ANKS1B: variants seen among roughly 807,000 people sequenced by gnomAD.
ANKS1B encodes ankyrin repeat and sterile alpha motif domain containing 1B, also known as ankyrin repeat and sterile alpha motif domain-containing protein 1B.
Under a neutral mutation model 148.3 loss-of-function variants are expected in ANKS1B, and 36 were observed. The ratio of observed to expected loss-of-function variants is 0.24; its 90% CI spans 0.19 to 0.32. The LOEUF (loss-of-function observed/expected upper bound fraction) is 0.32. Ranked by LOEUF, ANKS1B falls within the 10% of genes least tolerant of loss-of-function variation. The pLI is 1.00. For missense variants in ANKS1B, 1,157 were observed against 1,542.6 expected (o/e 0.75, Z 4.19); for synonymous variants, 542 against 560.8 (o/e 0.97, Z 0.47).
At chr12:99,575,439 A>G (rs1567387394) in intron 9 of ANKS1B, among the ~76,000 whole-genome samples, 1 of 152,086 alleles carries the variant, frequency 6.6e-6, no homozygotes, top group East Asian at 1.9e-4. Context: ...CTGTTTTCAC[A>G]CTGCTAATAA....
intron 8 of ANKS1B, among the ~76,000 whole-genome samples, chr12:99,738,169 T>C: frequency 6.6e-6 from 1 of 152,196 alleles, no homozygotes; most frequent in East Asian, 1.9e-4. Flanking sequence ...TAGAAAGTAC[T>C]GAAGCAGGAA....
chr12:99,619,736 C>T (rs575457114), intron 9 of ANKS1B, among the ~76,000 whole-genome samples: 2 of 152,252 alleles, frequency 1.3e-5, no homozygotes, highest in African/African-American at 4.8e-5. Flanking sequence ...GGAGTTTAGG[C>T]TGCCCTCATC....
At chr12:98,863,863 G>A (rs1240299699) in intron 17 of ANKS1B, among the ~76,000 whole-genome samples, 1 of 152,228 alleles carries the variant, frequency 6.6e-6, no homozygotes, top group African/African-American at 2.4e-5. Flanking sequence ...TGACCGTGAT[G>A]TCGATGATAT....
chr12:99,896,847 C>T (rs2093406129), intron 1 of ANKS1B, among the ~76,000 whole-genome samples: 1 of 151,212 alleles, frequency 6.6e-6, no homozygotes, highest in Non-Finnish European at 1.5e-5. Flanking sequence ...TATTAATAGT[C>T]CCTAGGTCAC....
chr12:99,877,208 T>C lies in ANKS1B; in HGVS notation c.135-51819A>G, dbSNP rs1018253224. On this transcript the variant is annotated intron_variant, in intron 1 of 26. Coordinates refer to ENST00000683438, the MANE Select transcript of ANKS1B (RefSeq NM_001352186.2). ...TGATTAAGGTATTATACTCTGACTA[T>C]ATTTCCTCTCTGTGATACCTTTTCC... Among the ~76,000 whole-genome samples the C allele has an allele frequency of 5.9e-5, 9 of 152,170 alleles. 1 individual carries two copies. Among genetic ancestry groups the C allele is most frequent in the Admixed American group, 5.9e-4 (9 of 15,270 alleles).
chr12:98,959,609 C>A (rs903554696), intron 17 of ANKS1B, among the ~76,000 whole-genome samples: 4 of 152,192 alleles, frequency 2.6e-5, no homozygotes, highest in Non-Finnish European at 5.9e-5. Context: ...AAAAAAGCAC[C>A]TTCATAAGAA....
chr12:98,884,130 A>G (rs201418), intron 17 of ANKS1B, among the ~76,000 whole-genome samples: 27,524 of 152,212 alleles, frequency 0.18, 2,698 homozygotes, highest in Non-Finnish European at 0.21. Context: ...AATATATATC[A>G]TTTACAGGCT....
intron 17 of ANKS1B, among the ~76,000 whole-genome samples, chr12:98,991,901 G>T (rs2099926781): frequency 6.6e-6 from 1 of 152,142 alleles, no homozygotes; most frequent in Non-Finnish European, 1.5e-5. Flanking sequence ...GAGATCTATA[G>T]ATAAGAACAT....
chr12:98,769,871 G>A (rs1294544156), intron 25 of ANKS1B, among the ~76,000 whole-genome samples: 1 of 152,140 alleles, frequency 6.6e-6, no homozygotes, highest in South Asian at 2.1e-4. Context: ...ATGCAAACAC[G>A]GTCTAGAGGC....
At chr12:99,597,213 A>G (rs541335023) in intron 9 of ANKS1B, among the ~76,000 whole-genome samples, 70 of 151,568 alleles carry the variant, frequency 4.6e-4, no homozygotes, top group Non-Finnish European at 8.7e-4. Context: ...AAGGTGAATA[A>G]TACATAATAC....
intron 10 of ANKS1B, among the ~76,000 whole-genome samples, chr12:99,480,782 T>C (rs1595630375): frequency 1.3e-5 from 2 of 151,868 alleles, no homozygotes; most frequent in East Asian, 3.9e-4. Context: ...TTTGGCAAAA[T>C]ATCTTCATTA....
At chr12:99,764,564 A>G (rs1401475173) in intron 8 of ANKS1B, among the ~76,000 whole-genome samples, 2 of 152,134 alleles carry the variant, frequency 1.3e-5, no homozygotes, top group African/African-American at 4.8e-5. Context: ...CTGGGATGAC[A>G]GGTGCACACC....
intron 17 of ANKS1B, among the ~76,000 whole-genome samples, chr12:98,848,350 A>G (rs1159665128): frequency 6.6e-6 from 1 of 152,220 alleles, no homozygotes; most frequent in African/African-American, 2.4e-5. Context: ...CCCTAGAATG[A>G]TGATAGTGTG....
intron 11 of ANKS1B, among the ~76,000 whole-genome samples, chr12:99,421,216 C>T (rs1339919505): frequency 6.6e-6 from 1 of 152,096 alleles, no homozygotes; most frequent in Non-Finnish European, 1.5e-5. Flanking sequence ...ATAAGGCAGC[C>T]CTCCTAATAA....
At chr12:99,958,868 C>A (rs185505923) in intron 1 of ANKS1B, among the ~76,000 whole-genome samples, 1 of 152,186 alleles carries the variant, frequency 6.6e-6, no homozygotes, top group African/African-American at 2.4e-5. Context: ...ACAAATGATG[C>A]AAGTAACAGA....
At chr12:98,743,306 AT>A (rs1200255802), downstream of ANKS1B, among the ~76,000 whole-genome samples, 3 of 152,340 alleles carry the variant, frequency 2.0e-5, no homozygotes, top group Non-Finnish European at 4.4e-5. Context: ...TGACTTATTA[AT>A]GAACTAACTA....
chr12:99,528,125 G>T (rs780133515), intron 9 of ANKS1B, among the ~76,000 whole-genome samples: 10 of 152,008 alleles, frequency 6.6e-5, no homozygotes, highest in Admixed American at 1.3e-4. Flanking sequence ...AACGGGAAAA[G>T]TACTCCCTAT....
intron 14 of ANKS1B, among the ~76,000 whole-genome samples, chr12:99,237,782 C>CTA (rs1483521458): frequency 1.3e-5 from 2 of 152,104 alleles, no homozygotes; most frequent in Non-Finnish European, 2.9e-5. Flanking sequence ...GCATGTGTGT[C>CTA]TATATATATA....
intron 25 of ANKS1B, among the ~76,000 whole-genome samples, chr12:98,771,842 A>G (rs2098585351): frequency 6.6e-6 from 1 of 152,172 alleles, no homozygotes; most frequent in Non-Finnish European, 1.5e-5. Context: ...ACCTGTAGGT[A>G]TCTGATCTGA....
Sources: allele counts gnomAD v4.1 joint callset (sites outside exome capture counted in the v4.1 genomes callset), GRCh38; gene constraint gnomAD v4.1.1; transcripts MANE v1.5; gene names NCBI Gene and HGNC (gene_info 2026-07-23, HGNC 2026-07-21).